Variants in PCDHA6 observed in about 807,000 individuals in gnomAD.
PCDHA6 encodes protocadherin alpha 6, also known as protocadherin alpha-6.
PCDHA6 carries 55 observed loss-of-function variants against 60.3 expected under a neutral mutation model. The ratio of observed to expected loss-of-function variants is 0.91; its 90% CI spans 0.73 to 1.14. The LOEUF (loss-of-function observed/expected upper bound fraction) is 1.14, where lower values mean the gene tolerates loss of function less well. Among genes scored for constraint, PCDHA6 ranks in the 50% most tolerant of loss-of-function variants. The pLI, the probability that PCDHA6 is intolerant of heterozygous loss-of-function variation, is 0.00. For missense variants in PCDHA6, 1,327 were observed against 1,256.5 expected (o/e 1.06, Z -0.85); for synonymous variants, 652 against 557.9 (o/e 1.17, Z -2.38).
At chr5:140,984,633 T>G (rs2097112196) in intron 3 of PCDHA6, among the ~76,000 whole-genome samples, 1 of 152,206 alleles carries the variant, frequency 6.6e-6, no homozygotes, top group African/African-American at 2.4e-5. Flanking sequence ...AAAGGGATTC[T>G]CTGCCTTCTC....
intron 1 of PCDHA6, among the ~76,000 whole-genome samples, chr5:140,874,298 G>T (rs887601408): frequency 1.3e-5 from 2 of 152,114 alleles, no homozygotes; most frequent in African/African-American, 2.4e-5. Context: ...ATGTGTACTT[G>T]TTCACAATGA....
Position 140,835,022 on chromosome 5 carries a change from G to A in PCDHA6, c.2394+4537G>A. ...CTCCGGAGCTTCATTTATTGCTCACGGCCACCGATGGAGGCAAACCCGAGC... is the reference window on the plus strand; with the variant it reads ...CTCCGGAGCTTCATTTATTGCTCACAGCCACCGATGGAGGCAAACCCGAGC... On this transcript the variant is annotated intron_variant, in intron 1 of 3. Coordinates refer to ENST00000529310, the MANE Select transcript of PCDHA6 (RefSeq NM_018909.4). 3 of 1,341,264 alleles carry A rather than the reference G, an allele frequency of 2.2e-6. No individual in the cohort carries two copies. The South Asian group carries it at 4.2e-5, about 19-fold the overall frequency. 83.1% of individuals were successfully genotyped at this position (1,341,264 alleles called of 1,614,324 possible). A position where few individuals can be genotyped will look rare whatever the true frequency, so the allele number is the denominator to read the frequency against.
chr5:140,962,050 A>AT (rs1207278188), intron 1 of PCDHA6, among the ~76,000 whole-genome samples: 3 of 151,684 alleles, frequency 2.0e-5, no homozygotes, highest in African/African-American at 7.3e-5. Context: ...TGCCTGGCTA[A>AT]TTTTTTTGTA....
At position 140,851,080 on chromosome 5, in the gene PCDHA6, T is replaced by C. The variant is rs1329158388; in HGVS notation, c.2394+20595T>C. On this transcript the variant is annotated intron_variant, in intron 1 of 3. Coordinates refer to ENST00000529310, the MANE Select transcript of PCDHA6 (RefSeq NM_018909.4). ...GACTTCTAGTGAGAATTATAAACTGTATATTAAATAGATATTTTTTGGGTG... is the reference window on the plus strand; with the variant it reads ...GACTTCTAGTGAGAATTATAAACTGCATATTAAATAGATATTTTTTGGGTG... 5 of 1,302,950 alleles carry C rather than the reference T, an allele frequency of 3.8e-6. No individual in the cohort carries two copies. In the African/African-American group the frequency reaches 6.1e-5, roughly 16 times the overall value. The allele number at this position is 1,302,950 out of a possible 1,614,324, so 80.7% of individuals were successfully genotyped here.
chr5:140,994,318 C>G (rs782231160), intron 3 of PCDHA6, among the ~76,000 whole-genome samples: 18 of 152,300 alleles, frequency 1.2e-4, no homozygotes, highest in Non-Finnish European at 1.6e-4. Context: ...CCCAAACACT[C>G]TCAGCAACCA....
chr5:140,918,651 C>A (rs1418223257), intron 1 of PCDHA6, among the ~76,000 whole-genome samples: 1 of 152,144 alleles, frequency 6.6e-6, no homozygotes, highest in African/African-American at 2.4e-5. Flanking sequence ...AAACCTAATT[C>A]TCATGTTGAT....
chr5:140,995,245 A>G (rs2097671494), intron 3 of PCDHA6, among the ~76,000 whole-genome samples: 1 of 152,194 alleles, frequency 6.6e-6, no homozygotes, highest in African/African-American at 2.4e-5. Flanking sequence ...ATTAAGTAAA[A>G]TAAGGGTACT....
intron 1 of PCDHA6, among the ~76,000 whole-genome samples, chr5:140,926,042 T>A (rs1316278838): frequency 2.0e-5 from 3 of 152,148 alleles, no homozygotes; most frequent in African/African-American, 7.2e-5. Context: ...CGGACACTAT[T>A]CCCCAACCTT....
At chr5:140,941,042 T>C (rs532611705) in intron 1 of PCDHA6, among the ~76,000 whole-genome samples, 11 of 152,310 alleles carry the variant, frequency 7.2e-5, no homozygotes, top group African/African-American at 2.2e-4. Context: ...TGGTGCCAAG[T>C]CAAATTCCCC....
In PCDHA6 at chr5:141,011,694, G is replaced by A. The variant is rs1473857552; in HGVS notation, c.*1757G>A. 1.3e-5 allele frequency: 2 copies of A among 153,662 alleles called. No individual in the cohort carries two copies. Among genetic ancestry groups the A allele is most frequent in the African/African-American group, 4.8e-5 (2 of 41,412 alleles). The allele number at this position is 153,662 out of a possible 1,614,324, so 9.5% of individuals were successfully genotyped here. On this transcript the variant is annotated 3_prime_UTR_variant, in exon 4 of 4. Coordinates refer to ENST00000529310, the MANE Select transcript of PCDHA6 (RefSeq NM_018909.4). The stretch of plus-strand genomic sequence containing the variant: ...CTGTTTTGTTCTAGTAACAATTTTG[G>A]AATGAATACTGACAATATTCCATGA...
At chr5:140,967,784 C>G in intron 1 of PCDHA6, 1 of 1,614,174 alleles carries the variant, frequency 6.2e-7, no homozygotes, top group Non-Finnish European at 8.5e-7. Flanking sequence ...GGCGACTGAC[C>G]GGGGTCCAGT....
chr5:140,883,339 C>T (rs142984869), intron 1 of PCDHA6: 2 of 1,614,172 alleles, frequency 1.2e-6, no homozygotes, highest in Admixed American at 3.3e-5. Flanking sequence ...CTTTGTCACT[C>T]CCCATCAGAG....
At chr5:140,969,670 T>C (rs1481481821) in intron 1 of PCDHA6, among the ~76,000 whole-genome samples, 1 of 152,192 alleles carries the variant, frequency 6.6e-6, no homozygotes, top group African/African-American at 2.4e-5. Context: ...AGTAATGTTA[T>C]GAGACTCAAG....
intron 1 of PCDHA6, chr5:140,882,132 A>G: frequency 6.8e-7 from 1 of 1,475,878 alleles, no homozygotes; most frequent in Non-Finnish European, 9.1e-7. Flanking sequence ...TTCTTCCTGC[A>G]GAAAATATAG....
At chr5:140,910,856 C>T (rs548609862) in intron 1 of PCDHA6, among the ~76,000 whole-genome samples, 15 of 152,300 alleles carry the variant, frequency 9.8e-5, no homozygotes, top group Non-Finnish European at 2.2e-4. Flanking sequence ...ATCTATGTTC[C>T]ATCCACCATT....
chr5:140,890,945 G>A (rs2062873584), intron 1 of PCDHA6, among the ~76,000 whole-genome samples: 1 of 152,132 alleles, frequency 6.6e-6, no homozygotes, highest in Non-Finnish European at 1.5e-5. Flanking sequence ...AGATGCTGGT[G>A]AGGAATGATT....
intron 1 of PCDHA6, among the ~76,000 whole-genome samples, chr5:140,926,209 T>C (rs553307318): frequency 1.8e-3 from 269 of 152,150 alleles, no homozygotes; most frequent in African/African-American, 6.3e-3. Flanking sequence ...GGGGGGCTCC[T>C]GTTTCCTTAA....
Position 140,836,319 on chromosome 5 carries a change from C to A in PCDHA6, c.2394+5834C>A, listed in dbSNP as rs2150257608. ...AGATGAGACGGACGCACCGCGCCAC[C>A]GCCTTCTGGTGCTTGTGAAGGACCA... On this transcript the variant is annotated intron_variant, in intron 1 of 3. Coordinates refer to ENST00000529310, the MANE Select transcript of PCDHA6 (RefSeq NM_018909.4). 3.7e-6 allele frequency: 6 copies of A among 1,613,720 alleles called. No homozygotes were observed. The South Asian group carries it at 4.4e-5, about 12-fold the overall frequency.
chr5:140,918,918 C>T (rs1338973615), intron 1 of PCDHA6, among the ~76,000 whole-genome samples: 1 of 152,224 alleles, frequency 6.6e-6, no homozygotes, highest in Non-Finnish European at 1.5e-5. Context: ...ATTAACTACA[C>T]AGCATATGGC....
Sources: allele counts gnomAD v4.1 joint callset (sites outside exome capture counted in the v4.1 genomes callset), GRCh38; gene constraint gnomAD v4.1.1; transcripts MANE v1.5; gene names NCBI Gene and HGNC (gene_info 2026-07-23, HGNC 2026-07-21).